The following UBQLN4 variants were observed in gnomAD, a reference collection of about 807,000 sequenced individuals.
The protein encoded by UBQLN4 is ubiquilin 4, also known as ubiquilin-4.
A neutral mutation model predicts 60.4 loss-of-function variants in UBQLN4; 11 were observed. The observed-to-expected ratio is 0.18, with a 90% CI of 0.11 to 0.30. UBQLN4 has a LOEUF of 0.30. Among genes scored for constraint, UBQLN4 ranks in the 10% least tolerant of loss-of-function variants. The probability of loss-of-function intolerance (pLI) is 1.00; values close to 1 mark genes in which losing one functional copy is unlikely to be tolerated. For synonymous variants in UBQLN4, 258 were observed against 313.1 expected (o/e 0.82, Z 1.86); for missense variants, 417 against 795.5 (o/e 0.52, Z 5.72).
In UBQLN4 at chr1:156,042,157, T is replaced by C. The variant is rs1683584616; in HGVS notation, c.1346A>G (p.Gln449Arg). 2 of 1,606,418 alleles carry C rather than the reference T, an allele frequency of 1.2e-6. No individual in the cohort carries two copies. Among genetic ancestry groups the C allele is most frequent in the African/African-American group, 2.7e-5 (2 of 74,580 alleles). Residue 449 changes from glutamine to arginine, a missense_variant, in exon 8 of 11, where the codon CAG becomes CGG. Transcript: ENST00000368309. ...CCATCTAGGCTCCTCACTCACCTGCTGCAGGAAGACTGGGAGCTGCAGGCG... is the reference window on the plus strand; with the variant it reads ...CCATCTAGGCTCCTCACTCACCTGCCGCAGGAAGACTGGGAGCTGCAGGCG... ...QLRLQLPVFL[Q>R]QMQNPESLSI...
intron 10 of UBQLN4, among the ~76,000 whole-genome samples, chr1:156,037,588 T>A (rs1356020429): frequency 6.6e-6 from 1 of 152,128 alleles, no homozygotes; most frequent in Non-Finnish European, 1.5e-5. Flanking sequence ...AGAGCGAGAC[T>A]CTGTCTCAAA....
rs1683415790 is a variant in UBQLN4 at position 156,036,869 on chromosome 1, G to A, written c.*109C>T. 12 of 1,533,954 alleles carry A rather than the reference G, an allele frequency of 7.8e-6. No individual in the cohort carries two copies. The South Asian group carries it at 9.1e-5, about 12-fold the overall frequency. ...TAAAGTCACCCTGCTGTTTGGAAAG[G>A]ATGAGGGAGAAGACGGAAGGGAGGA... is the stretch of plus-strand genomic sequence containing the variant. On this transcript the variant is annotated 3_prime_UTR_variant, in exon 11 of 11. Coordinates refer to ENST00000368309, the MANE Select transcript of UBQLN4 (RefSeq NM_020131.5).
intron 10 of UBQLN4, among the ~76,000 whole-genome samples, chr1:156,038,458 G>A (rs890677713): frequency 1.3e-5 from 2 of 150,946 alleles, no homozygotes; most frequent in African/African-American, 2.4e-5. Context: ...TCAGGAGTTC[G>A]AGACCAGACT....
chr1:156,045,068 AG>A, intron 5 of UBQLN4, among the ~76,000 whole-genome samples: 1 of 152,222 alleles, frequency 6.6e-6, no homozygotes, highest in South Asian at 2.1e-4. Flanking sequence ...GCTCTGGCTG[AG>A]GGAGTCCCAG....
At chr1:156,044,351 G>C in intron 5 of UBQLN4, 128 bp from the exon 6 acceptor site, 1 of 839,290 alleles carries the variant, frequency 1.2e-6, no homozygotes, top group East Asian at 2.7e-5. Context: ...AGACCTTAGA[G>C]GTCCTCAGTT....
At chr1:156,043,793 T>A (rs1683629143) in intron 6 of UBQLN4, among the ~76,000 whole-genome samples, 1 of 152,072 alleles carries the variant, frequency 6.6e-6, no homozygotes, top group Non-Finnish European at 1.5e-5. Context: ...TCATGAGCTA[T>A]TACTTAGGTC....
chr1:156,038,752 C>T (rs2102739645), intron 10 of UBQLN4, among the ~76,000 whole-genome samples: 1 of 151,596 alleles, frequency 6.6e-6, no homozygotes, highest in African/African-American at 2.4e-5. Context: ...AGTGATCCTC[C>T]TGCCTTGGCC....
downstream of UBQLN4, among the ~76,000 whole-genome samples, chr1:156,034,927 G>A (rs145618475): frequency 8.1e-3 from 1,145 of 140,978 alleles, 18 homozygotes; most frequent in African/African-American, 0.029. Flanking sequence ...GGAGTGCAGC[G>A]GCGCAATCAC....
chr1:156,041,314 C>A (rs989404262), intron 10 of UBQLN4, among the ~76,000 whole-genome samples, 171 bp downstream of exon 10: 1 of 152,218 alleles, frequency 6.6e-6, no homozygotes, highest in Non-Finnish European at 1.5e-5. Context: ...CTCTATTTCA[C>A]ATCTGCACAA....
At chr1:156,044,386 G>C (rs1386849616) in intron 5 of UBQLN4, among the ~76,000 whole-genome samples, 163 bp from the exon 6 acceptor site, 1 of 152,136 alleles carries the variant, frequency 6.6e-6, no homozygotes, top group East Asian at 1.9e-4. Flanking sequence ...ACAATGGATA[G>C]CTCCTTCCTT....
intron 10 of UBQLN4, among the ~76,000 whole-genome samples, chr1:156,039,848 A>G (rs973467394): frequency 3.4e-5 from 5 of 146,822 alleles, no homozygotes; most frequent in Admixed American, 2.8e-4. Flanking sequence ...GAGGCAGGAG[A>G]ATGGCCTAAA....
intron 1 of UBQLN4, among the ~76,000 whole-genome samples, chr1:156,053,175 C>T (rs1181046674): frequency 6.6e-6 from 1 of 152,330 alleles, no homozygotes; most frequent in Non-Finnish European, 1.5e-5. Flanking sequence ...CCTCCCCCGA[C>T]AGCCCCGTCG....
At position 156,048,808 on chromosome 1, in the gene UBQLN4, G is replaced by A. The variant is rs1261228174; in HGVS notation, c.742-149C>T. 1 of 901,318 alleles carries A rather than the reference G, an allele frequency of 1.1e-6. No individual in the cohort carries two copies. The highest frequency in any genetic ancestry group is 1.6e-6 in the Non-Finnish European group (1 of 608,464). 55.8% of individuals were successfully genotyped at this position (901,318 alleles called of 1,614,324 possible). Reference sequence around the variant, plus strand: ...CAGTGACAGGGAGTAGAGTAAACTGGACTTCCTTCCTCTACTGTAATCTTG... The same window carrying A: ...CAGTGACAGGGAGTAGAGTAAACTGAACTTCCTTCCTCTACTGTAATCTTG... On this transcript the variant is annotated intron_variant, in intron 4 of 10. Coordinates refer to ENST00000368309, the MANE Select transcript of UBQLN4 (RefSeq NM_020131.5). This position sits in a 1 kb window ranked among gnomAD's most constrained non-coding sequence, Gnocchi z 4.9.
intron 10 of UBQLN4, 112 bp downstream of exon 10, chr1:156,041,373 G>T: frequency 8.2e-7 from 1 of 1,224,888 alleles, no homozygotes; most frequent in Non-Finnish European, 1.1e-6. Context: ...GCAAGTGGCA[G>T]AACAGGACCT....
In UBQLN4 at chr1:156,046,428, G is replaced by T. The variant is rs1683702825; in HGVS notation, c.900+2073C>A. Among the ~76,000 whole-genome samples, 3 of 151,920 alleles carry T rather than the reference G, an allele frequency of 2.0e-5. No homozygotes were observed. The South Asian group carries it at 6.2e-4, about 32-fold the overall frequency. On this transcript the variant is annotated intron_variant, in intron 5 of 10. Transcript: ENST00000368309. Reference sequence around the variant, plus strand: ...CAGGAGAATCACTTGAACCCGGGAGGCGGAGGTTGCAGTGAGCTGAGATCA... The same window carrying T: ...CAGGAGAATCACTTGAACCCGGGAGTCGGAGGTTGCAGTGAGCTGAGATCA...
At chr1:156,047,534 C>T (rs1205714458) in intron 5 of UBQLN4, among the ~76,000 whole-genome samples, 4 of 151,540 alleles carry the variant, frequency 2.6e-5, no homozygotes, top group Admixed American at 6.6e-5. Flanking sequence ...TCAGCCACTG[C>T]GCCTGGCCAA....
At chr1:156,037,713 T>C (rs1683445725) in intron 10 of UBQLN4, among the ~76,000 whole-genome samples, 1 of 152,222 alleles carries the variant, frequency 6.6e-6, no homozygotes, top group Non-Finnish European at 1.5e-5. Flanking sequence ...TCCTCATTAC[T>C]TTCCATAAAC....
At chr1:156,037,454 G>A (rs759518043) in intron 10 of UBQLN4, among the ~76,000 whole-genome samples, 5 of 152,162 alleles carry the variant, frequency 3.3e-5, no homozygotes, top group Non-Finnish European at 4.4e-5. Flanking sequence ...AATTCGCTGG[G>A]TGTGGTGGTG....
At chr1:156,046,503 A>C (rs959779697) in intron 5 of UBQLN4, among the ~76,000 whole-genome samples, 21 of 150,488 alleles carry the variant, frequency 1.4e-4, no homozygotes, top group African/African-American at 5.1e-4. Flanking sequence ...TCTCAAAAAA[A>C]CAAAACAAAC....
Sources: gnomAD v4.1 joint callset for allele counts (sites outside exome capture counted in the v4.1 genomes callset) on GRCh38, gnomAD v4.1.1 for gene constraint, Gnocchi (gnomAD v3.1) non-coding constraint, MANE v1.5 for transcripts, NCBI Gene and HGNC (gene_info 2026-07-23, HGNC 2026-07-21) for gene names.